The following MBD5 variants were observed in gnomAD, a reference collection of about 807,000 sequenced individuals.
MBD5 encodes methyl-CpG binding domain protein 5.
In MBD5, 13 loss-of-function variants were observed where a neutral mutation model predicts 117.3. The ratio of observed to expected loss-of-function variants is 0.11; its 90% CI spans 0.07 to 0.18. The LOEUF (loss-of-function observed/expected upper bound fraction) is 0.18, where lower values mean the gene tolerates loss of function less well. Ranked by LOEUF, MBD5 falls within the 10% of genes least tolerant of loss-of-function variation. The pLI, the probability that MBD5 is intolerant of heterozygous loss-of-function variation, is 1.00. For missense variants in MBD5, 1,879 were observed against 2,093.8 expected (o/e 0.90, Z 2.00); for synonymous variants, 727 against 766.4 (o/e 0.95, Z 0.85).
intron 1 of MBD5, among the ~76,000 whole-genome samples, chr2:148,120,350 G>A (rs564872582): frequency 7.3e-4 from 111 of 152,180 alleles, no homozygotes; most frequent in Non-Finnish European, 1.3e-3. Flanking sequence ...AGTTTTGATA[G>A]GGATTGCGTT....
At chr2:148,115,078 C>CT (rs1432169094) in intron 1 of MBD5, among the ~76,000 whole-genome samples, 1 of 152,052 alleles carries the variant, frequency 6.6e-6, no homozygotes, top group Non-Finnish European at 1.5e-5. Context: ...GGATCATACT[C>CT]TAATCGTTCT....
chr2:148,155,843 G>A (rs937320299), intron 1 of MBD5, among the ~76,000 whole-genome samples: 5 of 152,230 alleles, frequency 3.3e-5, no homozygotes, highest in African/African-American at 1.2e-4. Flanking sequence ...TTGAGGGCAA[G>A]CACTCTTAGT....
intron 4 of MBD5, among the ~76,000 whole-genome samples, chr2:148,387,197 A>G (rs1003504549): frequency 2.0e-5 from 3 of 152,202 alleles, no homozygotes; most frequent in Non-Finnish European, 2.9e-5. Context: ...ATGTATATAT[A>G]AAAAAGAAAA....
At chr2:148,451,948 G>A (rs1706739372) in intron 4 of MBD5, among the ~76,000 whole-genome samples, 1 of 152,100 alleles carries the variant, frequency 6.6e-6, no homozygotes, top group African/African-American at 2.4e-5. Context: ...ATTGGGTGTT[G>A]ATTCTGTCCC....
intron 1 of MBD5, among the ~76,000 whole-genome samples, chr2:148,056,946 A>G (rs551242519): frequency 4.0e-5 from 6 of 151,892 alleles, no homozygotes; most frequent in African/African-American, 1.4e-4. Flanking sequence ...TATTCTTTAG[A>G]TAATACATTG....
chr2:148,492,236 T>C (rs968727497), intron 11 of MBD5, among the ~76,000 whole-genome samples: 4 of 151,790 alleles, frequency 2.6e-5, no homozygotes, highest in Admixed American at 2.6e-4. Flanking sequence ...TAGTATGTAG[T>C]ATTCATTCCA....
At chr2:148,052,112 G>C (rs78845437) in intron 1 of MBD5, among the ~76,000 whole-genome samples, 5,247 of 148,540 alleles carry the variant, frequency 0.035, 246 homozygotes, top group African/African-American at 0.11. Context: ...ACAAACTTTT[G>C]CTTTTGTGGG....
intron 3 of MBD5, among the ~76,000 whole-genome samples, chr2:148,305,114 T>C (rs1407081549): frequency 6.6e-6 from 1 of 151,692 alleles, no homozygotes; most frequent in African/African-American, 2.4e-5. Flanking sequence ...TGATCAGATA[T>C]CAAGGATGGG....
chr2:148,432,307 T>C (rs908326336), intron 4 of MBD5, among the ~76,000 whole-genome samples: 4 of 152,196 alleles, frequency 2.6e-5, no homozygotes, highest in African/African-American at 9.7e-5. Flanking sequence ...TTTCTCCCAT[T>C]CTGTAGATTG....
At chr2:148,220,095 G>A (rs1699648762) in intron 2 of MBD5, 1 of 152,172 alleles carries the variant, frequency 6.6e-6, no homozygotes, top group Non-Finnish European at 1.5e-5. Context: ...AACTCTAGCT[G>A]AGAACTCTTC....
intron 1 of MBD5, among the ~76,000 whole-genome samples, chr2:148,030,179 G>A (rs1220946591): frequency 6.6e-6 from 1 of 152,030 alleles, no homozygotes; most frequent in African/African-American, 2.4e-5. Flanking sequence ...GCTGAGGCAA[G>A]AGAATCGCTT....
intron 11 of MBD5, among the ~76,000 whole-genome samples, chr2:148,499,945 T>C (rs568384654): frequency 6.6e-6 from 1 of 152,332 alleles, no homozygotes; most frequent in South Asian, 2.1e-4. Flanking sequence ...TTCTTCTGAA[T>C]ATGTATGATC....
intron 4 of MBD5, among the ~76,000 whole-genome samples, chr2:148,394,253 G>A (rs1704641416): frequency 1.3e-5 from 2 of 152,096 alleles, no homozygotes; most frequent in East Asian, 3.9e-4. Context: ...TATGTTTCCT[G>A]GAACAACTTA....
At chr2:148,116,268 T>A (rs1478786152) in intron 1 of MBD5, among the ~76,000 whole-genome samples, 1 of 151,908 alleles carries the variant, frequency 6.6e-6, no homozygotes, top group Non-Finnish European at 1.5e-5. Context: ...TCACCGTGAC[T>A]GAGAAGTCAC....
intron 2 of MBD5, among the ~76,000 whole-genome samples, chr2:148,227,350 G>T (rs1699858019): frequency 6.6e-6 from 1 of 152,128 alleles, no homozygotes; most frequent in African/African-American, 2.4e-5. Flanking sequence ...AGTTTTCCCA[G>T]CATCATTTAT....
At chr2:148,256,852 C>T (rs934362527) in intron 3 of MBD5, among the ~76,000 whole-genome samples, 2 of 152,362 alleles carry the variant, frequency 1.3e-5, no homozygotes, top group East Asian at 3.9e-4. Flanking sequence ...GGTCCCAAGA[C>T]CTTTTGCAGC....
intron 3 of MBD5, among the ~76,000 whole-genome samples, chr2:148,253,973 A>G (rs1700524439): frequency 6.6e-6 from 1 of 152,160 alleles, no homozygotes; most frequent in African/African-American, 2.4e-5. Flanking sequence ...AAGCACAGCC[A>G]TTTCCCTTAC....
At chr2:148,269,530 A>G (rs1258399003) in intron 3 of MBD5, among the ~76,000 whole-genome samples, 1 of 151,782 alleles carries the variant, frequency 6.6e-6, no homozygotes, top group Non-Finnish European at 1.5e-5. Flanking sequence ...CACAACTTTT[A>G]AGACATTATT....
chr2:148,439,590 A>G (rs891880212), intron 4 of MBD5, among the ~76,000 whole-genome samples: 1 of 152,110 alleles, frequency 6.6e-6, no homozygotes, highest in African/African-American at 2.4e-5. Flanking sequence ...TTGCCAAATT[A>G]TTTTTTTAAA....
Sources: gnomAD v4.1 joint callset for allele counts (sites outside exome capture counted in the v4.1 genomes callset) on GRCh38, gnomAD v4.1.1 for gene constraint, MANE v1.5 for transcripts, NCBI Gene and HGNC (gene_info 2026-07-23, HGNC 2026-07-21) for gene names.